GAB2: variants seen among roughly 807,000 people sequenced by gnomAD.
The protein encoded by GAB2 is GRB2 associated binding protein 2, also known as GRB2-associated-binding protein 2.
A neutral mutation model predicts 65.5 loss-of-function variants in GAB2; 26 were observed. The observed-to-expected ratio is 0.40, with a 90% CI of 0.29 to 0.55. GAB2 has a LOEUF of 0.55. Ranked by LOEUF, GAB2 falls within the 20% of genes least tolerant of loss-of-function variation. The pLI, the probability that GAB2 is intolerant of heterozygous loss-of-function variation, is 0.53. For synonymous variants in GAB2, 321 were observed against 329.6 expected, an observed-to-expected ratio of 0.97 and a Z score of 0.28; for missense variants, 884 against 875.8, an observed-to-expected ratio of 1.01 and a Z score of -0.12.
At chr11:78,296,689 G>A (rs1178822461) in intron 1 of GAB2, among the ~76,000 whole-genome samples, 1 of 152,154 alleles carries the variant, frequency 6.6e-6, no homozygotes, top group Non-Finnish European at 1.5e-5. Flanking sequence ...TGCACGTCAG[G>A]AGACTCAGAT....
intron 1 of GAB2, among the ~76,000 whole-genome samples, chr11:78,366,774 G>A (rs931623821): frequency 1.3e-5 from 2 of 148,562 alleles, no homozygotes; most frequent in Non-Finnish European, 3.0e-5. Context: ...CTATGATGGC[G>A]AATAGAATGT....
At chr11:78,378,789 T>C (rs771200431) in intron 1 of GAB2, among the ~76,000 whole-genome samples, 5 of 152,276 alleles carry the variant, frequency 3.3e-5, no homozygotes, top group Non-Finnish European at 4.4e-5. Flanking sequence ...CTGTGCCCCA[T>C]AGACACTTCT....
chr11:78,412,602 T>C lies in GAB2; in HGVS notation c.75+5044A>G, dbSNP rs564421593. Among the ~76,000 whole-genome samples, 6 of 152,318 alleles carry C rather than the reference T, an allele frequency of 3.9e-5. No individual in the cohort carries two copies. The East Asian group carries it at 1.2e-3, about 29-fold the overall frequency. ...TGACTGTATCATTGTCAATATACTG[T>C]TGTGATACTGTACTATAATTTTGCA... On this transcript the variant is annotated intron_variant, in intron 1 of 9. Coordinates refer to ENST00000361507, the MANE Select transcript of GAB2 (RefSeq NM_080491.3).
At position 78,297,548 on chromosome 11, in the gene GAB2, G is replaced by T. The variant is rs147788276; in HGVS notation, c.76-16647C>A. On this transcript the variant is annotated intron_variant, in intron 1 of 9. Coordinates refer to ENST00000361507, the MANE Select transcript of GAB2 (RefSeq NM_080491.3). ...GGGAACTACTGTCGTGCACCCAGGG[G>T]AGTAGCTCAGGCAGGGAGAACAGCA... Among the ~76,000 whole-genome samples the T allele has an allele frequency of 6.0e-3, 911 of 152,158 alleles. 8 individuals are homozygous for T. Among genetic ancestry groups the T allele is most frequent in the African/African-American group, 0.02 (836 of 41,520 alleles).
At chr11:78,406,143 C>T (rs767828045) in intron 1 of GAB2, among the ~76,000 whole-genome samples, 2 of 152,198 alleles carry the variant, frequency 1.3e-5, no homozygotes, top group Non-Finnish European at 2.9e-5. Flanking sequence ...TGTAGAGTCA[C>T]TGGAGACCAC....
At chr11:78,376,423 G>A (rs1273452566) in intron 1 of GAB2, among the ~76,000 whole-genome samples, 1 of 152,152 alleles carries the variant, frequency 6.6e-6, no homozygotes, top group Non-Finnish European at 1.5e-5. Context: ...TATGAGATAG[G>A]TTCCATCATT....
At chr11:78,312,086 G>A (rs1010511580) in intron 1 of GAB2, among the ~76,000 whole-genome samples, 2 of 151,772 alleles carry the variant, frequency 1.3e-5, no homozygotes, top group African/African-American at 4.8e-5. Flanking sequence ...CTGTGTCACA[G>A]GGCAGCACAT....
At position 78,382,919 on chromosome 11, in the gene GAB2, G is replaced by A. The variant is rs116899968; in HGVS notation, c.75+34727C>T. ...TCATGATAGAGGTTCTGGCCTCTCA[G>A]ATTCCCTAGACTAACGTTTCTCAGA... On this transcript the variant is annotated intron_variant, in intron 1 of 9. Transcript: ENST00000361507. Among the ~76,000 whole-genome samples the A allele has an allele frequency of 4.6e-4, 70 of 152,324 alleles. No individual in the cohort carries two copies. The East Asian group carries it at 0.011, about 24-fold the overall frequency.
intron 1 of GAB2, among the ~76,000 whole-genome samples, chr11:78,387,690 A>C (rs541560537): frequency 6.6e-6 from 1 of 152,346 alleles, no homozygotes; most frequent in South Asian, 2.1e-4. Flanking sequence ...AAGGAGCTTT[A>C]CTCACAATCT....
At chr11:78,374,798 C>G (rs1403247575) in intron 1 of GAB2, among the ~76,000 whole-genome samples, 2 of 151,984 alleles carry the variant, frequency 1.3e-5, no homozygotes, top group Non-Finnish European at 2.9e-5. Flanking sequence ...CACCAGGAAA[C>G]TAAGAACTAA....
intron 1 of GAB2, among the ~76,000 whole-genome samples, chr11:78,415,847 T>C (rs1565190874): frequency 7.9e-5 from 12 of 152,132 alleles, no homozygotes. Flanking sequence ...AAGTCAAATG[T>C]AGATACAGTG....
rs540698202 is a variant in GAB2 at position 78,216,096 on chromosome 11, C to T, written c.*3176G>A. ...GTTACAGAGGAGGGAGTCTCCCCTT[C>T]AAGCAGCTGAGCACCAGCTGTGGAT... On this transcript the variant is annotated 3_prime_UTR_variant, in exon 10 of 10. Transcript: ENST00000361507. The T allele has an allele frequency of 1.3e-5, 2 of 152,842 alleles. No individual in the cohort carries two copies. The highest frequency in any genetic ancestry group is 1.3e-4 in the Admixed American group (2 of 15,312). The allele number at this position is 152,842 out of a possible 1,614,324, so 9.5% of individuals were successfully genotyped here. A position where few individuals can be genotyped will look rare whatever the true frequency, so the allele number is the denominator to read the frequency against.
At chr11:78,313,780 T>C (rs1855546848) in intron 1 of GAB2, among the ~76,000 whole-genome samples, 1 of 152,216 alleles carries the variant, frequency 6.6e-6, no homozygotes, top group Non-Finnish European at 1.5e-5. Context: ...AAGAGACCCT[T>C]ACTTGCATTT....
chr11:78,345,097 T>C (rs1856158976), intron 1 of GAB2, among the ~76,000 whole-genome samples: 1 of 152,148 alleles, frequency 6.6e-6, no homozygotes. Flanking sequence ...CCGCGCAACA[T>C]GGCAAAACCC....
In GAB2 at chr11:78,262,632, G is replaced by A. The variant is rs1222384894; in HGVS notation, c.377-12232C>T. Among the ~76,000 whole-genome samples the A allele has an allele frequency of 4.6e-5, 7 of 152,092 alleles. No individual in the cohort carries two copies. The East Asian group carries it at 5.8e-4, about 13-fold the overall frequency. Reference sequence around the variant, plus strand: ...TTTCTCAGCCCCTGCCTCCAGTCCCGGGGGTCCCAATAATCTCCTGGTTTC... The same window carrying A: ...TTTCTCAGCCCCTGCCTCCAGTCCCAGGGGTCCCAATAATCTCCTGGTTTC... On this transcript the variant is annotated intron_variant, in intron 2 of 9. Transcript: ENST00000361507.
At chr11:78,317,693 G>C (rs190454200) in intron 1 of GAB2, among the ~76,000 whole-genome samples, 1 of 151,484 alleles carries the variant, frequency 6.6e-6, no homozygotes, top group African/African-American at 2.4e-5. Flanking sequence ...ACTTGGCAAC[G>C]AATCTTTGCT....
chr11:78,251,833 G>A (rs1453970542), intron 2 of GAB2, among the ~76,000 whole-genome samples: 1 of 152,152 alleles, frequency 6.6e-6, no homozygotes, highest in Non-Finnish European at 1.5e-5. Context: ...GGCTTTCTGA[G>A]AACAGTGACT....
chr11:78,368,037 C>T (rs897614398), intron 1 of GAB2, among the ~76,000 whole-genome samples: 1 of 151,772 alleles, frequency 6.6e-6, no homozygotes, highest in Non-Finnish European at 1.5e-5. Context: ...AAGATGGTCT[C>T]AATCTCCTGA....
chr11:78,339,938 A>C (rs1856065602), intron 1 of GAB2, among the ~76,000 whole-genome samples: 2 of 152,346 alleles, frequency 1.3e-5, no homozygotes, highest in Middle Eastern at 3.4e-3. Flanking sequence ...CCAATGAATG[A>C]ATCCTTCCAG....
Sources: gnomAD v4.1 joint callset for allele counts (sites outside exome capture counted in the v4.1 genomes callset) on GRCh38, gnomAD v4.1.1 for gene constraint, MANE v1.5 for transcripts, NCBI Gene and HGNC (gene_info 2026-07-23, HGNC 2026-07-21) for gene names.